The following TRHDE variants were observed in gnomAD, a reference collection of about 807,000 sequenced individuals.
TRHDE encodes the protein thyrotropin releasing hormone degrading enzyme.
TRHDE carries 72 observed loss-of-function variants against 125.7 expected under a neutral mutation model. The ratio of observed to expected loss-of-function variants is 0.57; its 90% CI spans 0.47 to 0.70. TRHDE has a LOEUF of 0.70. Ranked by LOEUF, TRHDE falls within the 30% of genes least tolerant of loss-of-function variation. TRHDE has a pLI of 0.00. For synonymous variants in TRHDE, 509 were observed against 509.1 expected (o/e 1.00, Z 0.00); for missense variants, 1,110 against 1,327.1 (o/e 0.84, Z 2.54).
chr12:72,133,322 C>T lies in TRHDE; in HGVS notation n.279+27570C>T, dbSNP rs948922310. On this transcript the variant is annotated intron_variant and non_coding_transcript_variant, in intron 2 of 4. Transcript: ENST00000548156. The stretch of plus-strand genomic sequence containing the variant: ...AGGGTAACAGATTCAAGCTGTATTT[C>T]AGAGGAGAAATCGACATAGTTTGAC... Among the ~76,000 whole-genome samples, 3 of 152,258 alleles carry T rather than the reference C, an allele frequency of 2.0e-5. No homozygotes were observed. The South Asian group carries it at 6.2e-4, about 32-fold the overall frequency.
intron 2 of TRHDE, chr12:72,257,310 C>T (rs2139391575): frequency 6.6e-6 from 1 of 152,200 alleles, no homozygotes; most frequent in South Asian, 2.1e-4. Context: ...ACAGTCAAAA[C>T]TTTGTTTCAT....
At chr12:72,180,302 TTAAA>T (rs1877070828) in intron 2 of TRHDE, among the ~76,000 whole-genome samples, 4 of 152,228 alleles carry the variant, frequency 2.6e-5, no homozygotes, top group Admixed American at 2.6e-4. Flanking sequence ...TTTTAAAACA[TTAAA>T]TAATTGTCAA....
At chr12:72,630,792 A>G (rs951228145) in intron 15 of TRHDE, among the ~76,000 whole-genome samples, 27 of 151,208 alleles carry the variant, frequency 1.8e-4, no homozygotes, top group African/African-American at 6.0e-4. Context: ...ATCAGCCATT[A>G]TAATATTATT....
chr12:72,456,694 A>G (rs1050795749), intron 3 of TRHDE, among the ~76,000 whole-genome samples: 1 of 148,726 alleles, frequency 6.7e-6, no homozygotes, highest in Non-Finnish European at 1.5e-5. Flanking sequence ...TGATTAGTAC[A>G]AAAAAAAAAT....
chr12:72,375,775 T>TA (rs1004303966), intron 2 of TRHDE, among the ~76,000 whole-genome samples: 1 of 152,224 alleles, frequency 6.6e-6, no homozygotes, highest in African/African-American at 2.4e-5. Flanking sequence ...CATTGCTTTT[T>TA]ATCTCAATAA....
At chr12:72,445,499 A>G (rs926030431) in intron 3 of TRHDE, among the ~76,000 whole-genome samples, 2 of 151,932 alleles carry the variant, frequency 1.3e-5, no homozygotes, top group South Asian at 2.1e-4. Flanking sequence ...TCTTTCATCC[A>G]TAACTTGTAT....
intron 3 of TRHDE, among the ~76,000 whole-genome samples, chr12:72,388,695 A>G (rs1171194263): frequency 2.6e-4 from 39 of 152,156 alleles, no homozygotes; most frequent in Admixed American, 2.5e-3. Flanking sequence ...TGACTTAACT[A>G]TAGTTGCAGC....
At chr12:72,393,107 C>G (rs1872668563) in intron 3 of TRHDE, among the ~76,000 whole-genome samples, 1 of 152,066 alleles carries the variant, frequency 6.6e-6, no homozygotes, top group Admixed American at 6.6e-5. Flanking sequence ...CGCAAAGACT[C>G]ATGTTGCTTC....
At chr12:72,156,416 C>T (rs543075658) in intron 2 of TRHDE, among the ~76,000 whole-genome samples, 33 of 152,278 alleles carry the variant, frequency 2.2e-4, no homozygotes, top group African/African-American at 4.6e-4. Flanking sequence ...ACCCACTGTC[C>T]GACATTCCCC....
At chr12:72,226,782 A>G (rs572231817) in intron 2 of TRHDE, among the ~76,000 whole-genome samples, 2 of 152,360 alleles carry the variant, frequency 1.3e-5, no homozygotes, top group South Asian at 4.1e-4. Flanking sequence ...ACAGACAAAC[A>G]TAACCTCTAA....
At position 72,281,137 on chromosome 12, in the gene TRHDE, A is replaced by G. The variant is rs138018724; in HGVS notation, c.915-5544A>G. Among the ~76,000 whole-genome samples, 23 of 152,224 alleles carry G rather than the reference A, an allele frequency of 1.5e-4. No homozygotes were observed. In the East Asian group the frequency reaches 3.3e-3, roughly 22 times the overall value. The stretch of plus-strand genomic sequence containing the variant: ...CACATATGCACCACTTCCTACATAC[A>G]TATTGCTGGCATTATTGCCTTATGT... On this transcript the variant is annotated intron_variant, in intron 1 of 18. Transcript: ENST00000261180.
At chr12:72,164,098 G>A (rs1396041149) in intron 2 of TRHDE, among the ~76,000 whole-genome samples, 3 of 152,136 alleles carry the variant, frequency 2.0e-5, no homozygotes, top group South Asian at 2.1e-4. Context: ...TAACAGGAGC[G>A]AAACTCTGTC....
rs542042815 is a variant in TRHDE, at chr12:72,531,587, G to A, written c.1723-10704G>A. Reference sequence around the variant, plus strand: ...TTCATTTTCTCCTAATATTTTTAAAGTTTTGCATTGTATATTGAGTTCTGT... The same window carrying A: ...TTCATTTTCTCCTAATATTTTTAAAATTTTGCATTGTATATTGAGTTCTGT... On this transcript the variant is annotated intron_variant, in intron 6 of 18. Transcript: ENST00000261180. 2.2e-3 allele frequency among the ~76,000 whole-genome samples: 338 copies of A among 151,748 alleles called. 2 individuals are homozygous for A. The highest frequency in any genetic ancestry group is 7.6e-3 in the African/African-American group (316 of 41,398).
chr12:72,515,098 A>G (rs2135953606), intron 6 of TRHDE, among the ~76,000 whole-genome samples: 1 of 130,128 alleles, frequency 7.7e-6, no homozygotes, highest in Admixed American at 7.9e-5. Context: ...CAATAAACAT[A>G]CGTGTGCATG....
At chr12:72,379,997 C>G (rs181531061) in intron 3 of TRHDE, among the ~76,000 whole-genome samples, 87 of 152,238 alleles carry the variant, frequency 5.7e-4, no homozygotes, top group African/African-American at 2.1e-3. Flanking sequence ...TAAGCACATA[C>G]GCATTTTGAC....
At chr12:72,181,338 C>T (rs748987826) in intron 2 of TRHDE, among the ~76,000 whole-genome samples, 8 of 152,094 alleles carry the variant, frequency 5.3e-5, no homozygotes, top group Non-Finnish European at 8.8e-5. Context: ...GCTTCGAGTT[C>T]GTCTCCAAGG....
At chr12:72,538,447 A>G (rs1282213370) in intron 6 of TRHDE, among the ~76,000 whole-genome samples, 1 of 152,014 alleles carries the variant, frequency 6.6e-6, no homozygotes, top group Non-Finnish European at 1.5e-5. Context: ...TGTTACAAGC[A>G]CTGAAGTGCA....
chr12:72,318,383 A>G (rs1425519746), intron 2 of TRHDE, among the ~76,000 whole-genome samples: 1 of 152,210 alleles, frequency 6.6e-6, no homozygotes, highest in Non-Finnish European at 1.5e-5. Context: ...AAAAAGCAAC[A>G]GTCACTCATA....
intron 2 of TRHDE, among the ~76,000 whole-genome samples, chr12:72,204,456 A>G (rs1352372467): frequency 6.6e-6 from 1 of 151,944 alleles, no homozygotes; most frequent in Non-Finnish European, 1.5e-5. Context: ...TCCCTGGGTG[A>G]TTATATAAAA....
Sources: gnomAD v4.1 joint callset for allele counts (sites outside exome capture counted in the v4.1 genomes callset) on GRCh38, gnomAD v4.1.1 for gene constraint, MANE v1.5 for transcripts, NCBI Gene and HGNC (gene_info 2026-07-23, HGNC 2026-07-21) for gene names.